The following DSE variants were observed in gnomAD, a reference collection of about 807,000 sequenced individuals.
DSE encodes dermatan-sulfate epimerase.
Under a neutral mutation model 84.4 loss-of-function variants are expected in DSE, and 36 were observed. The ratio of observed to expected loss-of-function variants is 0.43; its 90% CI spans 0.33 to 0.56. The LOEUF (loss-of-function observed/expected upper bound fraction) is 0.56. DSE is among the 20% of genes least tolerant of loss of function. The pLI is 0.06. For synonymous variants in DSE, 410 were observed against 430.1 expected (o/e 0.95, Z 0.58); for missense variants, 862 against 1,169.6 (o/e 0.74, Z 3.84).
chr6:116,278,359 C>T, intron 2 of DSE: 7 of 890,228 alleles, frequency 7.9e-6, no homozygotes, highest in Non-Finnish European at 1.2e-5. Context: ...CCGTCTCAAT[C>T]TTGAGGTTGA....
intron 2 of DSE, among the ~76,000 whole-genome samples, chr6:116,270,279 T>A (rs2114613131): frequency 6.6e-6 from 1 of 152,252 alleles, no homozygotes; most frequent in Non-Finnish European, 1.5e-5. Flanking sequence ...CCAAGAGAAG[T>A]TTGGCCATTA....
chr6:116,435,954 T>G lies in DSE; in HGVS notation c.1486T>G (p.Ser496Ala). 1.2e-6 allele frequency: 2 copies of G among 1,614,160 alleles called. No individual in the cohort carries two copies. The highest frequency in any genetic ancestry group is 1.7e-6 in the Non-Finnish European group (2 of 1,180,024). The change falls in exon 6 of 6, where the codon TCT (serine) becomes GCT (alanine). Residue 496 changes from serine (S) to alanine (A), a missense_variant. By Grantham distance (99) the Ser-to-Ala change is moderately conservative. Coordinates refer to ENST00000644252, the MANE Select transcript of DSE (RefSeq NM_013352.4). ...CCCAGCTGTGTCAAAGAGCTGCTTTTCTCCCTGGGTGGGTCAGGTCACAGA... is the reference window on the plus strand; with the variant it reads ...CCCAGCTGTGTCAAAGAGCTGCTTTGCTCCCTGGGTGGGTCAGGTCACAGA... ...FSPAVSKSCF[S>A]PWVGQVTEDC...
chr6:116,316,820 C>CTATTAT (rs796894874), intron 2 of DSE, among the ~76,000 whole-genome samples: 52 of 97,564 alleles, frequency 5.3e-4, no homozygotes, highest in Admixed American at 2.5e-3. Context: ...ACTACTACTA[C>CTATTAT]TACTACTATT....
At chr6:116,329,078 C>T (rs1285194752) in intron 2 of DSE, among the ~76,000 whole-genome samples, 1 of 152,172 alleles carries the variant, frequency 6.6e-6, no homozygotes, top group Non-Finnish European at 1.5e-5. Context: ...ACAACTGCTG[C>T]AGTTGCTGAA....
chr6:116,386,606 T>C (rs1780590440), intron 1 of DSE, among the ~76,000 whole-genome samples: 1 of 152,224 alleles, frequency 6.6e-6, no homozygotes, highest in Non-Finnish European at 1.5e-5. Flanking sequence ...TGGGCTTTTA[T>C]TGTAGTTAGA....
In DSE at chr6:116,438,194, T is replaced by G. The variant is rs1313560131; in HGVS notation, c.*849T>G. 6.6e-6 allele frequency: 1 copy of G among 152,396 alleles called. No homozygotes were observed. The highest frequency in any genetic ancestry group is 6.6e-5 in the Admixed American group (1 of 15,238). The allele number at this position is 152,396 out of a possible 1,614,324, so 9.4% of individuals were successfully genotyped here. On this transcript the variant is annotated 3_prime_UTR_variant, in exon 6 of 6. Transcript: ENST00000644252. ...TTTTCATACCAAAGAAGATGGAGAG[T>G]CTAAAATTTGGATATGATTCTTATG...
chr6:116,416,892 CAT>C (rs1052537262), intron 2 of DSE, among the ~76,000 whole-genome samples: 1 of 152,126 alleles, frequency 6.6e-6, no homozygotes, highest in African/African-American at 2.4e-5. Flanking sequence ...AGTTGTAAAA[CAT>C]GTTAGGCATT....
At chr6:116,278,465 C>G in intron 2 of DSE, 2 of 1,611,554 alleles carry the variant, frequency 1.2e-6, no homozygotes, top group South Asian at 2.2e-5. Context: ...AAGCACAGGT[C>G]CAGCAGAAGG....
chr6:116,310,400 T>G lies in DSE; in HGVS notation c.-54+51433T>G, dbSNP rs1026142523. 2.6e-5 allele frequency among the ~76,000 whole-genome samples: 4 copies of G among 152,242 alleles called. No homozygotes were observed. The South Asian group carries it at 6.2e-4, about 24-fold the overall frequency. Reference sequence around the variant, plus strand: ...TTTTTTTTCAGTTGCTGGTGATATCTTCTGCTTATCCAGCCATTCACGATA... The same window carrying G: ...TTTTTTTTCAGTTGCTGGTGATATCGTCTGCTTATCCAGCCATTCACGATA... On this transcript the variant is annotated intron_variant, in intron 2 of 3. Transcript: ENST00000430252.
At chr6:116,417,485 G>T (rs920282810) in intron 2 of DSE, among the ~76,000 whole-genome samples, 8 of 151,766 alleles carry the variant, frequency 5.3e-5, no homozygotes, top group African/African-American at 1.9e-4. Flanking sequence ...GTCTGCTTTG[G>T]CATAATTGAC....
upstream of DSE, chr6:116,366,892 T>G (rs562020602): frequency 1.3e-5 from 2 of 152,358 alleles, no homozygotes; most frequent in African/African-American, 2.4e-5. Context: ...CATGACCTAT[T>G]AGAAGATTGT....
intron 2 of DSE, among the ~76,000 whole-genome samples, chr6:116,359,541 C>T (rs1472827052): frequency 6.6e-6 from 1 of 152,092 alleles, no homozygotes; most frequent in Non-Finnish European, 1.5e-5. Context: ...ATAGCAAATA[C>T]TGTTTTAATA....
rs561188548 is a variant in DSE, at chr6:116,409,558, C to A, written c.416+9892C>A. Among the ~76,000 whole-genome samples, 241 of 152,296 alleles carry A rather than the reference C, an allele frequency of 1.6e-3. 1 individual carries two copies. Among genetic ancestry groups the A allele is most frequent in the African/African-American group, 5.7e-3 (237 of 41,566 alleles). On this transcript the variant is annotated intron_variant, in intron 2 of 5. Coordinates refer to ENST00000644252, the MANE Select transcript of DSE (RefSeq NM_013352.4). ...CCTCCCAAAGTGCTGGGATTACAGG[C>A]GTGAGCCAACACGCCCGGCCAATAT...
intron 2 of DSE, among the ~76,000 whole-genome samples, chr6:116,262,508 TTTTATC>T (rs1414077383): frequency 2.0e-5 from 3 of 152,154 alleles, no homozygotes; most frequent in Non-Finnish European, 2.9e-5. Flanking sequence ...TCCTCTCTCT[TTTTATC>T]TTTATTAGTC....
At chr6:116,276,415 T>C (rs1773144532) in intron 2 of DSE, among the ~76,000 whole-genome samples, 1 of 152,188 alleles carries the variant, frequency 6.6e-6, no homozygotes, top group South Asian at 2.1e-4. Flanking sequence ...AAAAAGTGAT[T>C]GAGTAAGCAG....
intron 2 of DSE, among the ~76,000 whole-genome samples, chr6:116,285,713 G>C (rs187204817): frequency 4.6e-4 from 70 of 152,270 alleles, no homozygotes; most frequent in South Asian, 1.0e-3. Flanking sequence ...TGTAAGGAAG[G>C]GATCCAATTT....
chr6:116,303,286 A>G (rs1364472508), intron 2 of DSE, among the ~76,000 whole-genome samples: 1 of 152,058 alleles, frequency 6.6e-6, no homozygotes, highest in Non-Finnish European at 1.5e-5. Flanking sequence ...AGACTTCTTG[A>G]ATTTTTATAC....
chr6:116,415,325 T>A (rs1782628442), intron 2 of DSE, among the ~76,000 whole-genome samples: 1 of 152,238 alleles, frequency 6.6e-6, no homozygotes, highest in Non-Finnish European at 1.5e-5. Flanking sequence ...CTATTCCTGA[T>A]GCTTTGAATG....
intron 2 of DSE, among the ~76,000 whole-genome samples, chr6:116,346,613 T>C (rs140989300): frequency 0.043 from 6,558 of 152,228 alleles, 233 homozygotes; most frequent in African/African-American, 0.092. Context: ...ATTGATGGGA[T>C]GTATGTCAAA....
Sources: gnomAD v4.1 joint callset for allele counts (sites outside exome capture counted in the v4.1 genomes callset) on GRCh38, gnomAD v4.1.1 for gene constraint, MANE v1.5 for transcripts, NCBI Gene and HGNC (gene_info 2026-07-23, HGNC 2026-07-21) for gene names.